The following ST3GAL3 variants were observed in gnomAD, a reference collection of about 807,000 sequenced individuals.
ST3GAL3 encodes the protein ST3 beta-galactoside alpha-2,3-sialyltransferase 3, also known as CMP-N-acetylneuraminate-beta-1,4-galactoside alpha-2,3-sialyltransferase.
In ST3GAL3, 21 loss-of-function variants were observed where a neutral mutation model predicts 50.1. The ratio of observed to expected loss-of-function variants is 0.42; its 90% CI spans 0.30 to 0.60. The LOEUF is 0.60. Ranked by LOEUF, ST3GAL3 falls within the 20% of genes least tolerant of loss-of-function variation. The pLI is 0.19. For synonymous variants in ST3GAL3, 183 were observed against 190.0 expected, an observed-to-expected ratio of 0.96 and a Z score of 0.30; for missense variants, 353 against 489.4, an observed-to-expected ratio of 0.72 and a Z score of 2.63.
intron 1 of ST3GAL3, among the ~76,000 whole-genome samples, chr1:43,721,295 CTTTTTT>C (rs35508020): frequency 1.0e-5 from 1 of 99,846 alleles, no homozygotes; most frequent in Non-Finnish European, 2.0e-5. Context: ...ATAATTAAAC[CTTTTTT>C]TTTTTTTTTT....
At chr1:43,875,702 G>A (rs1479560775) in intron 5 of ST3GAL3, among the ~76,000 whole-genome samples, 1 of 151,966 alleles carries the variant, frequency 6.6e-6, no homozygotes, top group South Asian at 2.1e-4. Flanking sequence ...TGTGTTTCCT[G>A]AGGCCTCCCC....
intron 2 of ST3GAL3, 196 bp downstream of exon 2, chr1:43,736,576 A>G: frequency 1.1e-6 from 1 of 904,346 alleles, no homozygotes; most frequent in Non-Finnish European, 1.7e-6. Context: ...TAAAAACTGC[A>G]TGCCATGACA....
At position 43,882,898 on chromosome 1, in the gene ST3GAL3, A is replaced by G. The variant is rs576940489; in HGVS notation, c.303-11485A>G. Among the ~76,000 whole-genome samples the G allele has an allele frequency of 1.0e-3, 156 of 152,248 alleles. 2 individuals carry two copies. Among genetic ancestry groups the G allele is most frequent in the African/African-American group, 3.5e-3 (147 of 41,554 alleles). ...CCAGCGTCCAAATATGAAATCTCAG[A>G]GAAGACCATGGTGCATAGCACTTAG... On this transcript the variant is annotated intron_variant, in intron 5 of 11. Transcript: ENST00000347631.
At chr1:43,764,902 C>A (rs1398812094) in intron 2 of ST3GAL3, among the ~76,000 whole-genome samples, 2 of 152,216 alleles carry the variant, frequency 1.3e-5, no homozygotes, top group Non-Finnish European at 2.9e-5. Context: ...CAGCTTCCAC[C>A]ATAGTGCCCA....
intron 5 of ST3GAL3, chr1:43,840,370 C>A (rs1307154665): frequency 6.6e-6 from 1 of 152,106 alleles, no homozygotes; most frequent in African/African-American, 2.4e-5. Context: ...GACAAATATT[C>A]AAACTGTATC....
At chr1:43,863,769 C>T (rs1007123121) in intron 5 of ST3GAL3, among the ~76,000 whole-genome samples, 1 of 152,148 alleles carries the variant, frequency 6.6e-6, no homozygotes, top group Non-Finnish European at 1.5e-5. Flanking sequence ...GAAGCCTCCT[C>T]CTCCTCTTCC....
At chr1:43,909,047 T>C (rs2080323458) in intron 9 of ST3GAL3, among the ~76,000 whole-genome samples, 1 of 152,226 alleles carries the variant, frequency 6.6e-6, no homozygotes. Context: ...TATGAGATGC[T>C]CCTCTTCTTA....
At chr1:43,904,843 A>C (rs1219333942) in intron 9 of ST3GAL3, among the ~76,000 whole-genome samples, 161 of 13,028 alleles carry the variant, frequency 0.012, no homozygotes, top group East Asian at 0.016. Context: ...TCCTGCTCCT[A>C]TTCCTGCCAC....
At chr1:43,790,855 C>T (rs1302828879) in intron 2 of ST3GAL3, among the ~76,000 whole-genome samples, 1 of 151,626 alleles carries the variant, frequency 6.6e-6, no homozygotes, top group Non-Finnish European at 1.5e-5. Context: ...CCAGGATGGT[C>T]TCGATCTCTT....
intron 5 of ST3GAL3, among the ~76,000 whole-genome samples, chr1:43,860,700 T>C (rs905745432): frequency 6.6e-6 from 1 of 152,228 alleles, no homozygotes; most frequent in African/African-American, 2.4e-5. Context: ...GGTCTCTTCC[T>C]GTCTAGCCAT....
At chr1:43,802,191 A>C (rs2059397635) in intron 3 of ST3GAL3, among the ~76,000 whole-genome samples, 2 of 152,116 alleles carry the variant, frequency 1.3e-5, no homozygotes, top group African/African-American at 4.8e-5. Flanking sequence ...GCTTCACATA[A>C]CTCCTGTCAA....
chr1:43,858,001 C>A, intron 5 of ST3GAL3: 2 of 471,096 alleles, frequency 4.2e-6, no homozygotes, highest in South Asian at 2.2e-5. Context: ...AAAGCAAAAC[C>A]AACCGATCCC....
chr1:43,779,656 A>G (rs1465491941), intron 2 of ST3GAL3, among the ~76,000 whole-genome samples: 1 of 152,156 alleles, frequency 6.6e-6, no homozygotes, highest in Non-Finnish European at 1.5e-5. Flanking sequence ...CCACTCCTCT[A>G]CCACAGCCAT....
intron 1 of ST3GAL3, among the ~76,000 whole-genome samples, chr1:43,714,068 A>G (rs1164830582): frequency 1.3e-5 from 2 of 151,970 alleles, no homozygotes; most frequent in Non-Finnish European, 2.9e-5. Flanking sequence ...GTTCGAGGCC[A>G]GCCTGGCCAA....
At chr1:43,766,088 G>A (rs1692844582) in intron 2 of ST3GAL3, among the ~76,000 whole-genome samples, 1 of 152,122 alleles carries the variant, frequency 6.6e-6, no homozygotes, top group South Asian at 2.1e-4. Flanking sequence ...TCCAGTGGAG[G>A]AAATTACAAG....
intron 5 of ST3GAL3, among the ~76,000 whole-genome samples, chr1:43,864,823 C>A (rs1349972342): frequency 6.6e-6 from 1 of 152,050 alleles, no homozygotes; most frequent in East Asian, 1.9e-4. Flanking sequence ...TTTCAGGCAG[C>A]TGGCAAGGTA....
intron 5 of ST3GAL3, among the ~76,000 whole-genome samples, chr1:43,873,558 G>A (rs1284548488): frequency 6.6e-6 from 1 of 152,068 alleles, no homozygotes; most frequent in Non-Finnish European, 1.5e-5. Context: ...GCTAAGGTGG[G>A]CAGATCACCT....
intron 9 of ST3GAL3, chr1:43,914,055 T>A (rs1271842241): frequency 6.6e-6 from 1 of 152,104 alleles, no homozygotes; most frequent in African/African-American, 2.4e-5. Context: ...GCATTTCTCC[T>A]CCCAGGAAAG....
chr1:43,892,488 G>A (rs962440477), intron 5 of ST3GAL3, among the ~76,000 whole-genome samples: 5 of 152,110 alleles, frequency 3.3e-5, no homozygotes, highest in Non-Finnish European at 7.3e-5. Context: ...TATACCATAA[G>A]GTTAATTATC....
Sources: allele counts gnomAD v4.1 joint callset (sites outside exome capture counted in the v4.1 genomes callset), GRCh38; gene constraint gnomAD v4.1.1; transcripts MANE v1.5; gene names NCBI Gene and HGNC (gene_info 2026-07-23, HGNC 2026-07-21).